The following TMEM191B variants were observed in gnomAD, a reference collection of about 807,000 sequenced individuals.
TMEM191B encodes the protein transmembrane protein 191B.
Under a neutral mutation model 26.6 loss-of-function variants are expected in TMEM191B, and 8 were observed. The observed-to-expected ratio is 0.30, with a 90% CI of 0.18 to 0.54. TMEM191B has a LOEUF of 0.54. Among genes scored for constraint, TMEM191B ranks in the 20% least tolerant of loss-of-function variants. The pLI, the probability that TMEM191B is intolerant of heterozygous loss-of-function variation, is 0.94. For missense variants in TMEM191B, 64 were observed against 241.2 expected (o/e 0.27, Z 4.87); for synonymous variants, 29 against 113.7 (o/e 0.26, Z 4.74).
At chr22:18,529,198 G>A in intron 4 of TMEM191B, 105 bp downstream of exon 4, 1 of 1,043,302 alleles carries the variant, frequency 9.6e-7, no homozygotes, top group Non-Finnish European at 1.4e-6. Flanking sequence ...GAAGGCGTGG[G>A]CGGGGCGGGG....
chr22:18,529,209 G>A (rs989766811), intron 4 of TMEM191B, 116 bp downstream of exon 4: 2 of 1,059,042 alleles, frequency 1.9e-6, no homozygotes, highest in African/African-American at 3.6e-5. Flanking sequence ...CGGGGCGGGG[G>A]ATGTGGGCGG....
chr22:18,529,155 G>C, intron 4 of TMEM191B, 62 bp downstream of exon 4: 1 of 935,762 alleles, frequency 1.1e-6, no homozygotes, highest in South Asian at 1.6e-5. Context: ...GCGGGGCCGT[G>C]ACCACCTGGG....
At chr22:18,529,581 G>A in intron 5 of TMEM191B, 25 bp from the exon 6 acceptor site, 1 of 453,148 alleles carries the variant, frequency 2.2e-6, no homozygotes, top group African/African-American at 4.3e-5. Flanking sequence ...ACGCCGCCGA[G>A]TCTAACCCGG....
Position 18,530,256 on chromosome 22 carries a change from CGGT to C in TMEM191B, c.840_842del (p.Cys281del). On this transcript the variant is annotated inframe_deletion and splice_region_variant, in exon 9 of 9. Coordinates refer to ENST00000612978, the MANE Select transcript of TMEM191B (RefSeq NM_001242313.1). The stretch of plus-strand genomic sequence containing the variant: ...ACCTGCCCGCCTTTCGCCCCGCAGG[CGGT>C]GCGTGCTGGGCGCGCTGCAGGTGCT... The C allele has an allele frequency of 1.8e-6, 1 of 543,810 alleles. No individual in the cohort carries two copies. The highest frequency in any genetic ancestry group is 2.4e-6 in the Non-Finnish European group (1 of 409,556). The allele number at this position is 543,810 out of a possible 1,614,324, so 33.7% of individuals were successfully genotyped here. A position where few individuals can be genotyped will look rare whatever the true frequency, so the allele number is the denominator to read the frequency against.
Position 18,528,610 on chromosome 22 carries a change from C to G in TMEM191B, c.348C>G (p.Arg116=). The part of the protein sequence containing the change: ...QAAQPLQGEA[R]EAARERAERV... ...CGCAGCCTCTGCAAGGGGAGGCGCG[C>G]GAGGCGGCGCGGGAGCGCGCGGAGC... Residue 116 remains arginine (R), a synonymous_variant, in exon 2 of 9, where the codon CGC becomes CGG. Coordinates refer to ENST00000612978, the MANE Select transcript of TMEM191B (RefSeq NM_001242313.1). 1.5e-6 allele frequency: 2 copies of G among 1,376,138 alleles called. No individual in the cohort carries two copies. The highest frequency in any genetic ancestry group is 2.7e-5 in the East Asian group (1 of 36,906). The allele number at this position is 1,376,138 out of a possible 1,614,324, so 85.2% of individuals were successfully genotyped here. A position where few individuals can be genotyped will look rare whatever the true frequency, so the allele number is the denominator to read the frequency against.
In TMEM191B at chr22:18,529,285, C is replaced by T. The variant is rs1392761159; in HGVS notation, c.547-156C>T. 26 of 395,154 alleles carry T rather than the reference C, an allele frequency of 6.6e-5. 7 individuals are homozygous for T. The highest frequency in any genetic ancestry group is 9.5e-5 in the Non-Finnish European group (25 of 262,308). The allele number at this position is 395,154 out of a possible 1,614,324, so 24.5% of individuals were successfully genotyped here. On this transcript the variant is annotated intron_variant, in intron 4 of 8. Transcript: ENST00000612978. ...GGGGCGGAGCGCGGAGGGGGCGTGGCCATGACCAGTTGGGGCGTTGCTTAC... is the reference window on the plus strand; with the variant it reads ...GGGGCGGAGCGCGGAGGGGGCGTGGTCATGACCAGTTGGGGCGTTGCTTAC...
chr22:18,529,138 A>C lies in TMEM191B; in HGVS notation c.546+45A>C, dbSNP rs1025066864. On this transcript the variant is annotated intron_variant, in intron 4 of 8. Coordinates refer to ENST00000612978, the MANE Select transcript of TMEM191B (RefSeq NM_001242313.1). ...AGGTCTTTAGTAGGGGCGGAGCAGC[A>C]GCGTGAGCGGGGCCGTGACCACCTG... 45 of 892,948 alleles carry C rather than the reference A, an allele frequency of 5.0e-5. 1 individual carries two copies. The African/African-American group carries it at 8.2e-4, about 16-fold the overall frequency. 55.3% of individuals were successfully genotyped at this position (892,948 alleles called of 1,614,324 possible). A position where few individuals can be genotyped will look rare whatever the true frequency, so the allele number is the denominator to read the frequency against.
In TMEM191B at chr22:18,529,201, G is replaced by A. The variant is rs1187737142; in HGVS notation, c.546+108G>A. 11 of 1,096,960 alleles carry A rather than the reference G, an allele frequency of 1.0e-5. No homozygotes were observed. In the Admixed American group the frequency reaches 2.3e-4, roughly 23 times the overall value. 68.0% of individuals were successfully genotyped at this position (1,096,960 alleles called of 1,614,324 possible). On this transcript the variant is annotated intron_variant, in intron 4 of 8. Transcript: ENST00000612978. ...AAGGCAGGCCCTGAAGGCGTGGGCG[G>A]GGCGGGGGATGTGGGCGGAGCACAA...
chr22:18,529,482 G>C lies in TMEM191B; in HGVS notation c.588G>C (p.Glu196Asp), dbSNP rs1601272976. ...CGGAGACCAAATGCGCCTTGCAGGA[G>C]GAGAAGCTGCAGCAGGTGAGGGCAG... ...ELAETKCALQ[E>D]EKLQQDALQT... Residue 196 changes from glutamate to aspartate, a missense_variant, in exon 5 of 9, where the codon GAG becomes GAC. By Grantham distance (45) the Glu-to-Asp change is conservative (BLOSUM62 2). Around this residue, in one of 5 missense-constraint regions of TMEM191B, gnomAD observed 26 missense variants for 127.1 expected, o/e 0.20. Transcript: ENST00000612978. 3.8e-6 allele frequency: 2 copies of C among 531,474 alleles called. No individual in the cohort carries two copies. The highest frequency in any genetic ancestry group is 7.2e-5 in the African/African-American group (2 of 27,756). The allele number at this position is 531,474 out of a possible 1,614,324, so 32.9% of individuals were successfully genotyped here.
Position 18,528,947 on chromosome 22 carries a change from C to T in TMEM191B, c.472-72C>T. 3 of 576,310 alleles carry T rather than the reference C, an allele frequency of 5.2e-6. 1 individual carries two copies. The highest frequency in any genetic ancestry group is 7.1e-6 in the Non-Finnish European group (3 of 422,392). The allele number at this position is 576,310 out of a possible 1,614,324, so 35.7% of individuals were successfully genotyped here. On this transcript the variant is annotated intron_variant, in intron 3 of 8. Transcript: ENST00000612978. ...CTTGTCCTCGCCCTTGTTGTCTCCC[C>T]GTCCCTGTCTCCCCTGACACTCGTT...
In TMEM191B at chr22:18,528,867, G is replaced by C; in HGVS notation, c.471G>C (p.Gln157His). Residue 157 changes from glutamine (Q) to histidine (H), a missense_variant and splice_region_variant, in exon 3 of 9, where the codon CAG (glutamine) becomes CAC (histidine). Gln to His is a conservative substitution (Grantham distance 24). Transcript: ENST00000612978. The part of the protein sequence containing the change: ...LQEQWEELSS[Q>H]LFYGGEPQSQ... The stretch of plus-strand genomic sequence containing the variant: ...AGCAGTGGGAGGAGCTGTCGAGTCA[G>C]GTACGTGCAGGAGATGGGAGGGCCT... 3.0e-6 allele frequency: 3 copies of C among 1,015,272 alleles called. No homozygotes were observed. The highest frequency in any genetic ancestry group is 2.7e-6 in the Non-Finnish European group (2 of 730,610). 62.9% of individuals were successfully genotyped at this position (1,015,272 alleles called of 1,614,324 possible).
chr22:18,528,916 C>T, intron 3 of TMEM191B, 49 bp downstream of exon 3: 1 of 744,810 alleles, frequency 1.3e-6, no homozygotes, highest in South Asian at 1.9e-5. Context: ...TCTCGGAAGT[C>T]CTGCCCTTGT....
chr22:18,530,146 C>T lies in TMEM191B; in HGVS notation c.796-10C>T. ...CGGAGGTAGCTGGATGCGGCCCTCT[C>T]TCCCCGCAGGAGACGCGGCTGTTCG... On this transcript the variant is annotated splice_polypyrimidine_tract_variant and intron_variant, in intron 7 of 8. Transcript: ENST00000612978. The T allele has an allele frequency of 2.5e-6, 2 of 793,336 alleles. No homozygotes were observed. The highest frequency in any genetic ancestry group is 2.4e-5 in the South Asian group (1 of 42,250). The allele number at this position is 793,336 out of a possible 1,614,324, so 49.1% of individuals were successfully genotyped here. A position where few individuals can be genotyped will look rare whatever the true frequency, so the allele number is the denominator to read the frequency against.
Position 18,529,098 on chromosome 22 carries a change from T to C in TMEM191B, c.546+5T>C, listed in dbSNP as rs55698413. Reference sequence around the variant, plus strand: ...GCCCAATTGGTGACGCTGCAGGTGCTTGAGCGGGACCCTGAGGTCTTTAGT... The same window carrying C: ...GCCCAATTGGTGACGCTGCAGGTGCCTGAGCGGGACCCTGAGGTCTTTAGT... On this transcript the variant is annotated splice_donor_5th_base_variant and intron_variant, in intron 4 of 8. Coordinates refer to ENST00000612978, the MANE Select transcript of TMEM191B (RefSeq NM_001242313.1). 0.64 allele frequency: 452,268 copies of C among 702,390 alleles called. 140,919 individuals are homozygous for C. The highest frequency in any genetic ancestry group is 0.78 in the East Asian group (21,730 of 27,974). 43.5% of individuals were successfully genotyped at this position (702,390 alleles called of 1,614,324 possible).
At chr22:18,529,160 C>G in intron 4 of TMEM191B, 67 bp downstream of exon 4, 1 of 947,282 alleles carries the variant, frequency 1.1e-6, no homozygotes, top group Non-Finnish European at 1.5e-6. Flanking sequence ...GCCGTGACCA[C>G]CTGGGGGTGT....
chr22:18,530,238 C>G lies in TMEM191B; in HGVS notation c.837-17C>G. The G allele has an allele frequency of 1.9e-6, 1 of 538,094 alleles. No homozygotes were observed. Among genetic ancestry groups the G allele is most frequent in the Non-Finnish European group, 2.5e-6 (1 of 406,030 alleles). 33.3% of individuals were successfully genotyped at this position (538,094 alleles called of 1,614,324 possible). A position where few individuals can be genotyped will look rare whatever the true frequency, so the allele number is the denominator to read the frequency against. Reference sequence around the variant, plus strand: ...GCGCGGCCGCGGTCCCCCACCTGCCCGCCTTTCGCCCCGCAGGCGGTGCGT... The same window carrying G: ...GCGCGGCCGCGGTCCCCCACCTGCCGGCCTTTCGCCCCGCAGGCGGTGCGT... On this transcript the variant is annotated splice_polypyrimidine_tract_variant and intron_variant, in intron 8 of 8. Transcript: ENST00000612978.
chr22:18,528,655 G>T lies in TMEM191B; in HGVS notation c.393G>T (p.Glu131Asp), dbSNP rs932487810. 2.0e-6 allele frequency: 3 copies of T among 1,488,842 alleles called. No homozygotes were observed. In the African/African-American group the frequency reaches 4.6e-5, roughly 23 times the overall value. The allele number at this position is 1,488,842 out of a possible 1,614,324, so 92.2% of individuals were successfully genotyped here. ...CGGAGCGGGTGCGCAGAAGACTGGA[G>T]GAGGCGGAGCGCCACAAGGAGGACT... ...ERAERVRRRL[E>D]EAERHKEDLE... The change falls in exon 2 of 9, where the codon GAG (glutamate) becomes GAT (aspartate). Residue 131 changes from glutamate to aspartate, a missense_variant. By Grantham distance (45) the Glu-to-Asp change is conservative. Transcript: ENST00000612978.
chr22:18,530,359 CGT>C lies in TMEM191B; in HGVS notation c.943_944del (p.Trp315AlafsTer26), dbSNP rs1932853351. Reference sequence around the variant, plus strand: ...CTGTTGGACCCCGGCGCCGTCTCCGCGTGGCTCTGGAGCCTCACCTCGGAGAC... The same window carrying C: ...CTGTTGGACCCCGGCGCCGTCTCCGCGGCTCTGGAGCCTCACCTCGGAGAC... On this transcript the variant is annotated frameshift_variant, in exon 9 of 9. Transcript: ENST00000612978. LOFTEE classifies it high-confidence loss of function. The C allele has an allele frequency of 1.8e-5, 11 of 600,336 alleles. No individual in the cohort carries two copies. Among genetic ancestry groups the C allele is most frequent in the Non-Finnish European group, 2.0e-5 (9 of 440,720 alleles). 37.2% of individuals were successfully genotyped at this position (600,336 alleles called of 1,614,324 possible). A position where few individuals can be genotyped will look rare whatever the true frequency, so the allele number is the denominator to read the frequency against.
chr22:18,529,229 G>C, intron 4 of TMEM191B, 136 bp downstream of exon 4: 1 of 914,370 alleles, frequency 1.1e-6, no homozygotes, highest in Non-Finnish European at 1.6e-6. Context: ...GAGCACAATC[G>C]CATGGGGGCG....
Sources: gnomAD v4.1 joint callset for allele counts on GRCh38, gnomAD v4.1.1 for gene constraint, gnomAD v4.1.1 regional missense constraint, MANE v1.5 for transcripts, NCBI Gene and HGNC (gene_info 2026-07-23, HGNC 2026-07-21) for gene names.